Variants in ZNF862 observed in about 807,000 individuals in gnomAD.
ZNF862 encodes the protein zinc finger protein 862.
In ZNF862, 64 loss-of-function variants were observed where a neutral mutation model predicts 91.1. That is an observed-to-expected ratio of 0.70 (90% CI 0.57 to 0.87). ZNF862 has a LOEUF of 0.87. Ranked by LOEUF, ZNF862 falls within the 40% of genes least tolerant of loss-of-function variation. The probability of loss-of-function intolerance (pLI) is 0.00; values close to 1 mark genes in which losing one functional copy is unlikely to be tolerated. For missense variants in ZNF862, 1,459 were observed against 1,528.0 expected, an observed-to-expected ratio of 0.95 and a Z score of 0.75; for synonymous variants, 631 against 618.1, an observed-to-expected ratio of 1.02 and a Z score of -0.31.
At position 149,862,098 on chromosome 7, in the gene ZNF862, C is replaced by G. The variant is rs749196862; in HGVS notation, c.2938C>G (p.Leu980Val). 3 of 1,613,562 alleles carry G rather than the reference C, an allele frequency of 1.9e-6. No individual in the cohort carries two copies. Among genetic ancestry groups the G allele is most frequent in the Non-Finnish European group, 2.5e-6 (3 of 1,179,904 alleles). ...LNLARYFECSLPTGYSEEALL... is the reference protein window; with the variant it reads ...LNLARYFECSVPTGYSEEALL... Reference sequence around the variant, plus strand: ...CCTGGCCAGGTATTTCGAGTGCTCCCTCCCAACAGGATACAGTGAGGAAGC... The same window carrying G: ...CCTGGCCAGGTATTTCGAGTGCTCCGTCCCAACAGGATACAGTGAGGAAGC... The change falls in exon 7 of 8, where the codon CTC becomes GTC. Residue 980 changes from leucine to valine, a missense_variant. Leu to Val is a conservative substitution (Grantham distance 32). Coordinates refer to ENST00000223210, the MANE Select transcript of ZNF862 (RefSeq NM_001099220.3).
In ZNF862 at chr7:149,859,520, C is replaced by T; in HGVS notation, c.1216C>T (p.Pro406Ser). The T allele has an allele frequency of 6.4e-7, 1 of 1,570,662 alleles. No homozygotes were observed. The highest frequency in any genetic ancestry group is 8.6e-7 in the Non-Finnish European group (1 of 1,157,172). The change falls in exon 6 of 8, where the codon CCT (proline) becomes TCT (serine). Residue 406 changes from proline to serine, a missense_variant. Coordinates refer to ENST00000223210, the MANE Select transcript of ZNF862 (RefSeq NM_001099220.3). ...TGGGCCAAAGTGGGGGAAAGGTCGT[C>T]CTCCAGGTGAGTGTAAACCTACAGC... ...PNGPKWGKGR[P>S]PGNKKMVAVR...
intron 1 of ZNF862, among the ~76,000 whole-genome samples, chr7:149,842,790 G>A (rs967145937): frequency 6.6e-6 from 1 of 152,208 alleles, no homozygotes; most frequent in Non-Finnish European, 1.5e-5. Context: ...TCTGCCTTCA[G>A]CCTAATCTTG....
chr7:149,848,086 C>G lies in ZNF862; in HGVS notation c.593C>G (p.Ala198Gly). The G allele has an allele frequency of 6.2e-7, 1 of 1,614,064 alleles. No homozygotes were observed. The highest frequency in any genetic ancestry group is 2.2e-5 in the East Asian group (1 of 44,892). The stretch of plus-strand genomic sequence containing the variant: ...CTCAAATACCACGCGAAGAGCAAGG[C>G]CCACATGTTCTGTGTCAATGCCTTG... ...ETLKYHAKSK[A>G]HMFCVNALAA... The change falls in exon 4 of 8, where the codon GCC becomes GGC. Residue 198 changes from alanine to glycine, a missense_variant. By Grantham distance (60) the Ala-to-Gly change is moderately conservative (BLOSUM62 0). Transcript: ENST00000223210.
Position 149,867,088 on chromosome 7 carries a change from C to G in ZNF862, c.*2804C>G, listed in dbSNP as rs1802758556. ...GTATGTACGTGTCCTGGCATTTCCC[C>G]TCCCTCTCCCTGATGACTGATACCC... is the stretch of plus-strand genomic sequence containing the variant. On this transcript the variant is annotated 3_prime_UTR_variant, in exon 8 of 8. Coordinates refer to ENST00000223210, the MANE Select transcript of ZNF862 (RefSeq NM_001099220.3). 6.6e-6 allele frequency: 1 copy of G among 152,270 alleles called. No homozygotes were observed. Among genetic ancestry groups the G allele is most frequent in the East Asian group, 1.9e-4 (1 of 5,190 alleles). 9.4% of individuals were successfully genotyped at this position (152,270 alleles called of 1,614,324 possible).
At chr7:149,843,478 C>T (rs1801772205) in intron 1 of ZNF862, among the ~76,000 whole-genome samples, 1 of 152,020 alleles carries the variant, frequency 6.6e-6, no homozygotes, top group African/African-American at 2.4e-5. Flanking sequence ...TACCTTAAAC[C>T]TCTTTGATGG....
chr7:149,864,084 T>C (rs1347508937), intron 7 of ZNF862, 25 bp from the exon 8 acceptor site: 1 of 1,553,692 alleles, frequency 6.4e-7, no homozygotes, highest in Non-Finnish European at 8.7e-7. Flanking sequence ...GTCAGTCTAA[T>C]TGTATTCTCC....
chr7:149,840,387 A>C (rs1801662851), intron 1 of ZNF862, among the ~76,000 whole-genome samples: 1 of 152,158 alleles, frequency 6.6e-6, no homozygotes, highest in Non-Finnish European at 1.5e-5. Context: ...AAAGTTTAAA[A>C]AATTAAGTTT....
chr7:149,844,892 T>C (rs1003820221), intron 2 of ZNF862, 156 bp downstream of exon 2: 3 of 589,630 alleles, frequency 5.1e-6, no homozygotes, highest in Non-Finnish European at 9.1e-6. Context: ...TCTACCTTAA[T>C]TGCATGCAAA....
At chr7:149,845,815 C>T (rs1020711114) in intron 2 of ZNF862, among the ~76,000 whole-genome samples, 1 of 152,154 alleles carries the variant, frequency 6.6e-6, no homozygotes, top group African/African-American at 2.4e-5. Context: ...GTTGCCACAG[C>T]CCCTGCACTT....
In ZNF862 at chr7:149,862,105, C is replaced by T. The variant is rs773195559; in HGVS notation, c.2945C>T (p.Thr982Ile). 3.1e-6 allele frequency: 5 copies of T among 1,613,664 alleles called. No homozygotes were observed. In the South Asian group the frequency reaches 4.4e-5, roughly 14 times the overall value. Reference protein sequence around the residue: ...LARYFECSLPTGYSEEALLEE... With the variant: ...LARYFECSLPIGYSEEALLEE... ...AGGTATTTCGAGTGCTCCCTCCCAA[C>T]AGGATACAGTGAGGAAGCTCTGCTG... Residue 982 changes from threonine to isoleucine, a missense_variant, in exon 7 of 8, where the codon ACA becomes ATA. Physicochemically the swap from Thr to Ile is moderately conservative, Grantham distance 89. Coordinates refer to ENST00000223210, the MANE Select transcript of ZNF862 (RefSeq NM_001099220.3).
In ZNF862 at chr7:149,861,032, G is replaced by A. The variant is rs749549901; in HGVS notation, c.1872G>A (p.Val624=). ...ILEDVRNSPC[V]SVLLDSSTDA... ...AGGACGTGCGGAACTCGCCCTGTGT[G>A]AGCGTGCTGCTGGACAGCTCCACCG... Residue 624 remains valine, a synonymous_variant, in exon 7 of 8, where the codon GTG becomes GTA. Transcript: ENST00000223210. This position sits in a 1 kb window ranked among gnomAD's most constrained non-coding sequence, Gnocchi z 6.7. 7 of 1,612,850 alleles carry A rather than the reference G, an allele frequency of 4.3e-6. No individual in the cohort carries two copies. In the Admixed American group the frequency reaches 5.0e-5, roughly 12 times the overall value.
In ZNF862 at chr7:149,848,281, C is replaced by A. The variant is rs750278779; in HGVS notation, c.788C>A (p.Ala263Asp). Residue 263 changes from alanine to aspartate, a missense_variant, in exon 4 of 8, where the codon GCT (alanine) becomes GAT (aspartate). Coordinates refer to ENST00000223210, the MANE Select transcript of ZNF862 (RefSeq NM_001099220.3). ...SMAELLPSSR[A>D]ELEDPGGDGA... ...GCTGAGCTCCTGCCAAGTTCAAGAGCTGAACTAGAGGACCCTGGGGGGGAT... is the reference window on the plus strand; with the variant it reads ...GCTGAGCTCCTGCCAAGTTCAAGAGATGAACTAGAGGACCCTGGGGGGGAT... 1 of 1,611,250 alleles carries A rather than the reference C, an allele frequency of 6.2e-7. No homozygotes were observed. The highest frequency in any genetic ancestry group is 8.5e-7 in the Non-Finnish European group (1 of 1,178,610).
chr7:149,854,134 C>G (rs578052274), intron 5 of ZNF862, among the ~76,000 whole-genome samples: 2 of 152,158 alleles, frequency 1.3e-5, no homozygotes, highest in African/African-American at 4.8e-5. Context: ...TCCCGTTCAC[C>G]GCTGAGCGTG....
chr7:149,849,535 G>A (rs1462540247), intron 4 of ZNF862, among the ~76,000 whole-genome samples: 1 of 152,240 alleles, frequency 6.6e-6, no homozygotes, highest in African/African-American at 2.4e-5. Context: ...CAGGAGTCTG[G>A]TGAGAATAGC....
chr7:149,849,100 T>C (rs10249657), intron 4 of ZNF862, among the ~76,000 whole-genome samples: 2 of 152,326 alleles, frequency 1.3e-5, no homozygotes, highest in African/African-American at 4.8e-5. Context: ...CACTCCTGGC[T>C]AGTATTTTTT....
rs545487603 is a variant in ZNF862, at chr7:149,852,156, A to G, written c.1117+1818A>G. 5.9e-5 allele frequency: 9 copies of G among 152,288 alleles called. No homozygotes were observed. The South Asian group carries it at 1.4e-3, about 25-fold the overall frequency. The allele number at this position is 152,288 out of a possible 1,614,324, so 9.4% of individuals were successfully genotyped here. On this transcript the variant is annotated intron_variant, in intron 5 of 7. Coordinates refer to ENST00000223210, the MANE Select transcript of ZNF862 (RefSeq NM_001099220.3). ...ATATAATAGTATTAAATTGGGATAT[A>G]AAGTAGTGTTAAAACATAGTGGAGA...
chr7:149,861,751 T>A lies in ZNF862; in HGVS notation c.2591T>A (p.Leu864Gln). Residue 864 changes from leucine to glutamine, a missense_variant, in exon 7 of 8, where the codon CTG becomes CAG. Leu to Gln is a moderately radical substitution (Grantham distance 113). Transcript: ENST00000223210. The surrounding 1 kb of genome is among the most constrained non-coding windows in gnomAD (Gnocchi z 6.7). ...GAGGTGTGCCAGAAGGAGATCGTGC[T>A]GATTACAGAGGTGAACGCCACGCTG... The part of the protein sequence containing the change: ...LSEVCQKEIV[L>Q]ITEVNATLGR... 6.2e-7 allele frequency: 1 copy of A among 1,613,642 alleles called. No individual in the cohort carries two copies. Among genetic ancestry groups the A allele is most frequent in the Non-Finnish European group, 8.5e-7 (1 of 1,179,832 alleles).
At chr7:149,844,354 G>A (rs1310495025) in intron 1 of ZNF862, among the ~76,000 whole-genome samples, 2 of 152,176 alleles carry the variant, frequency 1.3e-5, no homozygotes, top group African/African-American at 2.4e-5. Flanking sequence ...TGTGGGAGGC[G>A]GGTGAAGAGC....
At position 149,861,599 on chromosome 7, in the gene ZNF862, G is replaced by A; in HGVS notation, c.2439G>A (p.Arg813=). The change falls in exon 7 of 8, where the codon AGG becomes AGA. Residue 813 remains arginine, a synonymous_variant. Coordinates refer to ENST00000223210, the MANE Select transcript of ZNF862 (RefSeq NM_001099220.3). The surrounding 1 kb of genome is among the most constrained non-coding windows in gnomAD (Gnocchi z 6.7). The part of the protein sequence containing the change: ...SWPALARHLQ[R]VAEAGGQIGH... ...CCGCCCTGGCCAGGCACCTCCAGAG[G>A]GTGGCAGAGGCTGGGGGCCAGATTG... 1 of 1,599,886 alleles carries A rather than the reference G, an allele frequency of 6.3e-7. No homozygotes were observed. The highest frequency in any genetic ancestry group is 8.5e-7 in the Non-Finnish European group (1 of 1,175,414).
Sources: allele counts gnomAD v4.1 joint callset (sites outside exome capture counted in the v4.1 genomes callset), GRCh38; gene constraint gnomAD v4.1.1; non-coding constraint Gnocchi (gnomAD v3.1); transcripts MANE v1.5; gene names NCBI Gene and HGNC (gene_info 2026-07-23, HGNC 2026-07-21).